The following SGPP2 variants were observed in gnomAD, a reference collection of about 807,000 sequenced individuals.
The protein encoded by SGPP2 is sphingosine-1-phosphate phosphatase 2.
Under a neutral mutation model 33.9 loss-of-function variants are expected in SGPP2, and 30 were observed. The ratio of observed to expected loss-of-function variants is 0.89; its 90% CI spans 0.66 to 1.20. SGPP2 has a LOEUF of 1.20. Ranked by LOEUF, SGPP2 falls within the 50% of genes most tolerant of loss-of-function variation. SGPP2 has a pLI of 0.00. For synonymous variants in SGPP2, 233 were observed against 225.0 expected, an observed-to-expected ratio of 1.04 and a Z score of -0.32; for missense variants, 458 against 532.1, an observed-to-expected ratio of 0.86 and a Z score of 1.37.
intron 4 of SGPP2, among the ~76,000 whole-genome samples, chr2:222,548,514 A>G (rs986412603): frequency 6.6e-6 from 1 of 151,956 alleles, no homozygotes; most frequent in Admixed American, 6.5e-5. Context: ...ACTTGTAACA[A>G]TGCTGGGATA....
chr2:222,548,916 T>C (rs1393786872), intron 4 of SGPP2, among the ~76,000 whole-genome samples: 1 of 152,258 alleles, frequency 6.6e-6, no homozygotes, highest in Admixed American at 6.5e-5. Context: ...TCTGAGTCTG[T>C]TAACTAGGAA....
chr2:222,544,585 G>A (rs1217449385), intron 4 of SGPP2, among the ~76,000 whole-genome samples: 1 of 152,088 alleles, frequency 6.6e-6, no homozygotes, highest in African/African-American at 2.4e-5. Context: ...TAAATTCTGT[G>A]TAAATAGTTG....
chr2:222,536,586 A>C (rs1199370236), intron 4 of SGPP2, among the ~76,000 whole-genome samples: 1 of 152,212 alleles, frequency 6.6e-6, no homozygotes, highest in African/African-American at 2.4e-5. Context: ...AGGATGAGGC[A>C]TGAGAATCGC....
At chr2:222,446,282 T>C (rs1697397498) in intron 1 of SGPP2, among the ~76,000 whole-genome samples, 1 of 151,888 alleles carries the variant, frequency 6.6e-6, no homozygotes, top group African/African-American at 2.4e-5. Flanking sequence ...ATGCTGGTAA[T>C]GGCAGGAGAG....
intron 2 of SGPP2, among the ~76,000 whole-genome samples, chr2:222,508,766 T>A (rs997394423): frequency 6.6e-6 from 1 of 152,216 alleles, no homozygotes; most frequent in East Asian, 1.9e-4. Flanking sequence ...TTCATCTCTA[T>A]TTTTACAAAA....
upstream of SGPP2, chr2:222,424,432 T>A (rs747517947): frequency 2.7e-5 from 6 of 223,292 alleles, no homozygotes; most frequent in Non-Finnish European, 4.2e-5. Flanking sequence ...GGCAGACACC[T>A]GGGCGGGCGC....
In SGPP2 at chr2:222,465,424, A is replaced by T. The variant is rs200460536; in HGVS notation, c.220-9144A>T. Among the ~76,000 whole-genome samples, 1 of 230 alleles carries T rather than the reference A, an allele frequency of 4.3e-3. No homozygotes were observed. Among genetic ancestry groups the T allele is most frequent in the African/African-American group, 0.071 (1 of 14 alleles). 0.2% of individuals were successfully genotyped at this position (230 alleles called of 152,430 possible). A position where few individuals can be genotyped will look rare whatever the true frequency, so the allele number is the denominator to read the frequency against. On this transcript the variant is annotated intron_variant, in intron 1 of 4. Transcript: ENST00000321276. The surrounding 1 kb of genome is among the most constrained non-coding windows in gnomAD (Gnocchi z 4.1). Reference sequence around the variant, plus strand: ...TAGGTTGGAAAGTCTTGATTCTCTTAAAAAAAAAAAAGTGAGTAATTAAAA... The same window carrying T: ...TAGGTTGGAAAGTCTTGATTCTCTTTAAAAAAAAAAAGTGAGTAATTAAAA...
intron 1 of SGPP2, among the ~76,000 whole-genome samples, chr2:222,467,195 G>C (rs80156867): frequency 0.016 from 2,489 of 152,236 alleles, 70 homozygotes; most frequent in African/African-American, 0.057. Flanking sequence ...CTCCTGAGAA[G>C]TCTCTCCCCT....
intron 2 of SGPP2, among the ~76,000 whole-genome samples, chr2:222,511,375 G>A (rs146860239): frequency 6.2e-4 from 94 of 152,250 alleles, no homozygotes; most frequent in African/African-American, 1.9e-3. Flanking sequence ...ATTCCCCTTC[G>A]TGAAAACCTA....
intron 1 of SGPP2, among the ~76,000 whole-genome samples, chr2:222,440,114 C>G (rs955000744): frequency 1.3e-5 from 2 of 152,180 alleles, no homozygotes; most frequent in African/African-American, 4.8e-5. Context: ...ATTATTTGTA[C>G]TTTCTGCACA....
chr2:222,508,307 G>T (rs1344438030), intron 2 of SGPP2, among the ~76,000 whole-genome samples: 6 of 152,178 alleles, frequency 3.9e-5, no homozygotes, highest in Non-Finnish European at 7.4e-5. Flanking sequence ...GTGAGTTTGT[G>T]AGATGCTAGA....
chr2:222,534,512 G>T (rs956371087), intron 4 of SGPP2, among the ~76,000 whole-genome samples: 2 of 152,004 alleles, frequency 1.3e-5, no homozygotes, highest in African/African-American at 2.4e-5. Context: ...TGTTGAAAAG[G>T]TTTCTCAAAT....
intron 2 of SGPP2, among the ~76,000 whole-genome samples, chr2:222,488,557 T>C (rs1373971280): frequency 6.6e-6 from 1 of 152,208 alleles, no homozygotes; most frequent in Non-Finnish European, 1.5e-5. Flanking sequence ...CAGTGCTAAA[T>C]AGGCTGGGAA....
intron 3 of SGPP2, among the ~76,000 whole-genome samples, chr2:222,523,112 C>T (rs1406925230): frequency 6.6e-6 from 1 of 152,222 alleles, no homozygotes; most frequent in Non-Finnish European, 1.5e-5. Flanking sequence ...AGCAGGAAGT[C>T]AAGCCTCATG....
At chr2:222,425,036 A>T (rs768376395) in intron 1 of SGPP2, among the ~76,000 whole-genome samples, 1 of 152,214 alleles carries the variant, frequency 6.6e-6, no homozygotes, top group South Asian at 2.1e-4. Context: ...GTCTATTGAG[A>T]TATCCCCAGA....
chr2:222,560,507 C>G lies in SGPP2; in HGVS notation c.*1609C>G, dbSNP rs1689517595. On this transcript the variant is annotated 3_prime_UTR_variant, in exon 5 of 5. Coordinates refer to ENST00000321276, the MANE Select transcript of SGPP2 (RefSeq NM_152386.4). ...GGGAAGGCGATGATTATGCAAACACCGGAGTTCCCTCCTCTTCAGTTCCTA... is the reference window on the plus strand; with the variant it reads ...GGGAAGGCGATGATTATGCAAACACGGGAGTTCCCTCCTCTTCAGTTCCTA... The G allele has an allele frequency of 6.6e-6, 1 of 152,166 alleles. No individual in the cohort carries two copies. Among genetic ancestry groups the G allele is most frequent in the Admixed American group, 6.5e-5 (1 of 15,280 alleles). 9.4% of individuals were successfully genotyped at this position (152,166 alleles called of 1,614,324 possible).
chr2:222,476,968 A>G lies in SGPP2; in HGVS notation c.378+2242A>G, dbSNP rs1370383584. On this transcript the variant is annotated intron_variant, in intron 2 of 4. Transcript: ENST00000321276. The surrounding 1 kb of genome is among the most constrained non-coding windows in gnomAD (Gnocchi z 4.3). ...GTATGTATGTATGTATAGTGTGTAT[A>G]TGTGTATATATAGGTGTGTGTATAT... 6.6e-6 allele frequency among the ~76,000 whole-genome samples: 1 copy of G among 151,410 alleles called. No individual in the cohort carries two copies. The highest frequency in any genetic ancestry group is 2.1e-4 in the South Asian group (1 of 4,810).
At chr2:222,475,917 G>A (rs772312351) in intron 2 of SGPP2, among the ~76,000 whole-genome samples, 20 of 152,182 alleles carry the variant, frequency 1.3e-4, no homozygotes, top group African/African-American at 2.2e-4. Context: ...CAGAATCATC[G>A]TGGGAATATC....
Position 222,424,677 on chromosome 2 carries a change from C to T in SGPP2, c.75C>T (p.Pro25=). 1 of 1,448,938 alleles carries T rather than the reference C, an allele frequency of 6.9e-7. No homozygotes were observed. Among genetic ancestry groups the T allele is most frequent in the Non-Finnish European group, 9.1e-7 (1 of 1,102,572 alleles). The allele number at this position is 1,448,938 out of a possible 1,614,324, so 89.8% of individuals were successfully genotyped here. A position where few individuals can be genotyped will look rare whatever the true frequency, so the allele number is the denominator to read the frequency against. Residue 25 remains proline (P), a synonymous_variant, in exon 1 of 5, where the codon CCC becomes CCT. Coordinates refer to ENST00000321276, the MANE Select transcript of SGPP2 (RefSeq NM_152386.4). ...ARFQRRCGLF[P]APDEGPRENG... is the part of the protein sequence containing the mutation. ...TCCAGCGCCGCTGCGGGCTCTTCCC[C>T]GCTCCGGATGAAGGCCCCCGGGAGA...
Sources: allele counts gnomAD v4.1 joint callset (sites outside exome capture counted in the v4.1 genomes callset), GRCh38; gene constraint gnomAD v4.1.1; non-coding constraint Gnocchi (gnomAD v3.1); transcripts MANE v1.5; gene names NCBI Gene and HGNC (gene_info 2026-07-23, HGNC 2026-07-21).